PDE4B: variants seen among roughly 807,000 people sequenced by gnomAD.
The protein encoded by PDE4B is 3',5'-cyclic-AMP phosphodiesterase 4B.
PDE4B carries 20 observed loss-of-function variants against 82.2 expected under a neutral mutation model. The ratio of observed to expected loss-of-function variants is 0.24; its 90% confidence interval spans 0.17 to 0.35. The LOEUF is 0.35. PDE4B is among the 10% of genes least tolerant of loss of function. The pLI, the probability that PDE4B is intolerant of heterozygous loss-of-function variation, is 1.00. For missense variants in PDE4B, 655 were observed against 907.2 expected, an observed-to-expected ratio of 0.72 and a Z score of 3.57; for synonymous variants, 320 against 318.9, an observed-to-expected ratio of 1.00 and a Z score of -0.04.
chr1:66,097,046 G>A (rs1171842374), intron 3 of PDE4B, among the ~76,000 whole-genome samples: 1 of 151,936 alleles, frequency 6.6e-6, no homozygotes, highest in African/African-American at 2.4e-5. Flanking sequence ...GATTCTTAAT[G>A]AAGCTGGCAT....
At chr1:65,904,042 T>C (rs1469108639) in intron 1 of PDE4B, among the ~76,000 whole-genome samples, 1 of 152,248 alleles carries the variant, frequency 6.6e-6, no homozygotes, top group Non-Finnish European at 1.5e-5. Flanking sequence ...AGAAATTTTG[T>C]GTGCTTGCTT....
At chr1:66,146,306 C>T (rs186298579) in intron 3 of PDE4B, among the ~76,000 whole-genome samples, 16 of 151,592 alleles carry the variant, frequency 1.1e-4, no homozygotes, top group African/African-American at 3.4e-4. Flanking sequence ...GCCTCAGCCT[C>T]CCGAGTAGCT....
chr1:65,916,794 G>A (rs1647165508), intron 2 of PDE4B, among the ~76,000 whole-genome samples: 1 of 151,834 alleles, frequency 6.6e-6, no homozygotes, highest in Non-Finnish European at 1.5e-5. Context: ...TACAGTAAGT[G>A]CTAGGCCTAC....
chr1:65,822,785 C>T (rs994809150), intron 1 of PDE4B, among the ~76,000 whole-genome samples: 10 of 152,300 alleles, frequency 6.6e-5, no homozygotes, highest in African/African-American at 2.2e-4. Context: ...ATCCAACCCT[C>T]ACCAGACACT....
intron 7 of PDE4B, among the ~76,000 whole-genome samples, chr1:66,315,357 C>T (rs1040623291): frequency 9.9e-5 from 15 of 152,190 alleles, no homozygotes; most frequent in African/African-American, 3.1e-4. Context: ...TTGGAAAATT[C>T]CACACTCAAC....
chr1:66,249,557 T>C (rs1055985401), intron 4 of PDE4B, among the ~76,000 whole-genome samples: 3 of 152,114 alleles, frequency 2.0e-5, no homozygotes, highest in African/African-American at 7.2e-5. Flanking sequence ...TCCAACTGAA[T>C]CTACGGCAGT....
intron 7 of PDE4B, among the ~76,000 whole-genome samples, chr1:66,272,779 CTTTTTTTTT>C (rs869201227): frequency 1.1e-4 from 7 of 61,658 alleles, no homozygotes; most frequent in African/African-American, 3.5e-4. Context: ...TACTAGAATT[CTTTTTTTTT>C]TTTTTTTTTT....
intron 3 of PDE4B, among the ~76,000 whole-genome samples, chr1:65,944,811 C>T (rs1648622781): frequency 6.6e-6 from 1 of 151,752 alleles, no homozygotes; most frequent in Admixed American, 6.6e-5. Flanking sequence ...TCCCCATAGG[C>T]CCTATGAATC....
chr1:66,258,505 A>G (rs1654432297), intron 6 of PDE4B, among the ~76,000 whole-genome samples: 1 of 152,122 alleles, frequency 6.6e-6, no homozygotes, highest in African/African-American at 2.4e-5. Flanking sequence ...TATTCGGTTC[A>G]CTCTTCTGCA....
chr1:65,823,504 T>C (rs1301238873), intron 1 of PDE4B, among the ~76,000 whole-genome samples: 1 of 152,142 alleles, frequency 6.6e-6, no homozygotes, highest in Non-Finnish European at 1.5e-5. Flanking sequence ...TCCTTATTGT[T>C]TCCACTGCGC....
At chr1:66,332,042 AG>A (rs1337595862) in intron 7 of PDE4B, 4 of 1,061,946 alleles carry the variant, frequency 3.8e-6, no homozygotes, top group Non-Finnish European at 4.6e-6. Context: ...TTCATTTAGA[AG>A]AAAAGCAAAA....
chr1:65,906,392 A>G (rs1647028469), intron 1 of PDE4B, among the ~76,000 whole-genome samples: 1 of 152,096 alleles, frequency 6.6e-6, no homozygotes, highest in South Asian at 2.1e-4. Flanking sequence ...TTATTAATAG[A>G]TTTGAATACA....
intron 3 of PDE4B, among the ~76,000 whole-genome samples, chr1:65,992,139 G>GAA (rs369821262): frequency 6.6e-6 from 1 of 151,124 alleles, no homozygotes; most frequent in African/African-American, 2.4e-5. Flanking sequence ...GAGAAGGGAG[G>GAA]AAAAAAAAAC....
In PDE4B at chr1:66,053,047, G is replaced by A. The variant is rs72918259; in HGVS notation, c.281+134212G>A. Among the ~76,000 whole-genome samples the A allele has an allele frequency of 8.4e-3, 1,275 of 152,288 alleles. 16 individuals are homozygous for A. The highest frequency in any genetic ancestry group is 0.029 in the African/African-American group (1,193 of 41,560). ...TTTTAGTCTTTCTATGTGGGAGACA[G>A]TGTATTTACTGCTAAACATGTTCTA... is the stretch of plus-strand genomic sequence containing the variant. On this transcript the variant is annotated intron_variant, in intron 3 of 16. Transcript: ENST00000341517.
chr1:65,986,336 A>G (rs1650951627), intron 3 of PDE4B, among the ~76,000 whole-genome samples: 1 of 152,210 alleles, frequency 6.6e-6, no homozygotes, highest in African/African-American at 2.4e-5. Context: ...GGTGGAGTAC[A>G]GATGGATGAA....
chr1:65,872,299 G>A (rs1162795819), intron 1 of PDE4B, among the ~76,000 whole-genome samples: 2 of 152,028 alleles, frequency 1.3e-5, no homozygotes, highest in African/African-American at 4.8e-5. Flanking sequence ...GCAATTTATT[G>A]AATAATTGTT....
chr1:65,956,413 TCTCAAGTCCAATTTATTTAAA>T (rs1160055727), intron 3 of PDE4B, among the ~76,000 whole-genome samples: 1 of 152,142 alleles, frequency 6.6e-6, no homozygotes, highest in Non-Finnish European at 1.5e-5. Flanking sequence ...TCCTCCATGT[TCTCAAGTCCAATTTATTTAAA>T]ACACACACGT....
intron 3 of PDE4B, among the ~76,000 whole-genome samples, chr1:66,091,965 T>G (rs1308578196): frequency 6.6e-6 from 1 of 152,034 alleles, no homozygotes; most frequent in Non-Finnish European, 1.5e-5. Context: ...AAATATAAAT[T>G]TACACAATTA....
chr1:66,291,819 C>A (rs1033926819), intron 7 of PDE4B, among the ~76,000 whole-genome samples: 1 of 152,006 alleles, frequency 6.6e-6, no homozygotes, highest in Non-Finnish European at 1.5e-5. Flanking sequence ...TAATTGAGGT[C>A]AATATGAAAA....
Sources: gnomAD v4.1 joint callset for allele counts (sites outside exome capture counted in the v4.1 genomes callset) on GRCh38, gnomAD v4.1.1 for gene constraint, MANE v1.5 for transcripts, NCBI Gene and HGNC (gene_info 2026-07-23, HGNC 2026-07-21) for gene names.